Variants in DAAM2 observed in about 807,000 individuals in gnomAD.
DAAM2 encodes the protein dishevelled associated activator of morphogenesis 2.
In DAAM2, 39 loss-of-function variants were observed where a neutral mutation model predicts 120.7. The observed-to-expected ratio is 0.32, with a 90% CI of 0.25 to 0.42. The LOEUF is 0.42. Ranked by LOEUF, DAAM2 falls within the 10% of genes least tolerant of loss-of-function variation. DAAM2 has a pLI of 1.00. For missense variants in DAAM2, 1,283 were observed against 1,401.7 expected (o/e 0.92, Z 1.35); for synonymous variants, 488 against 524.9 (o/e 0.93, Z 0.96).
chr6:39,818,094 G>A (rs1002036179), intron 1 of DAAM2, among the ~76,000 whole-genome samples: 1 of 150,328 alleles, frequency 6.7e-6, no homozygotes. Flanking sequence ...CAGGAGAATC[G>A]CTTGAAGCTG....
At chr6:39,859,647 C>A (rs1424668755) in intron 2 of DAAM2, among the ~76,000 whole-genome samples, 2 of 152,134 alleles carry the variant, frequency 1.3e-5, no homozygotes, top group East Asian at 1.9e-4. Context: ...TGTAAAATAT[C>A]TCATTATTAA....
At position 39,904,155 on chromosome 6, in the gene DAAM2, G is replaced by C; in HGVS notation, c.*2118G>C. ...ACTGGATACGCACCTGGAAACAAAA[G>C]GACTATGGAAGCTGTTCAAGATACA... On this transcript the variant is annotated 3_prime_UTR_variant, in exon 25 of 25. Transcript: ENST00000274867. 1 of 455,922 alleles carries C rather than the reference G, an allele frequency of 2.2e-6. No homozygotes were observed. Among genetic ancestry groups the C allele is most frequent in the Admixed American group, 2.4e-5 (1 of 42,434 alleles). 28.2% of individuals were successfully genotyped at this position (455,922 alleles called of 1,614,324 possible).
chr6:39,874,817 C>T (rs1307301604), intron 10 of DAAM2, among the ~76,000 whole-genome samples: 3 of 152,168 alleles, frequency 2.0e-5, no homozygotes, highest in Non-Finnish European at 4.4e-5. Flanking sequence ...GAAATTTTCT[C>T]GAGTTCCATT....
At position 39,844,921 on chromosome 6, in the gene DAAM2, T is replaced by C. The variant is rs546395068; in HGVS notation, c.-56-11326T>C. The stretch of plus-strand genomic sequence containing the variant: ...ATCACCTACACCCCTCCACCACACA[T>C]ACATACACCACACACACCACACATA... On this transcript the variant is annotated intron_variant, in intron 1 of 24. Transcript: ENST00000274867. 3.4e-3 allele frequency among the ~76,000 whole-genome samples: 492 copies of C among 146,158 alleles called. 1 individual carries two copies. Among genetic ancestry groups the C allele is most frequent in the African/African-American group, 0.011 (423 of 39,740 alleles).
Position 39,857,799 on chromosome 6 carries a change from G to C in DAAM2, c.168+1329G>C, listed in dbSNP as rs78687645. Among the ~76,000 whole-genome samples, 567 of 152,230 alleles carry C rather than the reference G, an allele frequency of 3.7e-3. 2 individuals carry two copies. The highest frequency in any genetic ancestry group is 0.021 in the East Asian group (111 of 5,172). On this transcript the variant is annotated intron_variant, in intron 2 of 24. Coordinates refer to ENST00000274867, the MANE Select transcript of DAAM2 (RefSeq NM_001201427.2). ...TCAAACAAGTGAACAATATTTCTTG[G>C]AGAGACTGCTGGGTGCTGGGCTGTA...
At chr6:39,856,208 T>G in intron 1 of DAAM2, 39 bp from the exon 2 acceptor site, 1 of 1,345,946 alleles carries the variant, frequency 7.4e-7, no homozygotes, top group Non-Finnish European at 9.5e-7. Flanking sequence ...CCTATCTGAC[T>G]GTATGCCTGA....
rs984669277 is a variant in DAAM2, at chr6:39,879,189, A to G, written c.1557A>G (p.Val519=). 30 of 1,548,238 alleles carry G rather than the reference A, an allele frequency of 1.9e-5. No homozygotes were observed. The highest frequency in any genetic ancestry group is 8.4e-5 in the South Asian group (7 of 83,484). The stretch of plus-strand genomic sequence containing the variant: ...CTGTTTCCTCACAGACAGGCCCTGT[A>G]TCTTCCCCACCACCCCCTGGGGGCC... ...AQLSELSTGP[V]SSPPPPGGPL... is the part of the protein sequence containing the mutation. The change falls in exon 14 of 25, where the codon GTA becomes GTG. Residue 519 remains valine, a synonymous_variant. Coordinates refer to ENST00000274867, the MANE Select transcript of DAAM2 (RefSeq NM_001201427.2).
At chr6:39,874,171 C>A (rs1348543741) in intron 10 of DAAM2, among the ~76,000 whole-genome samples, 33 of 152,092 alleles carry the variant, frequency 2.2e-4, no homozygotes, top group Admixed American at 2.2e-3. Context: ...TTATTATGTC[C>A]ATTTGAATAG....
intron 7 of DAAM2, among the ~76,000 whole-genome samples, chr6:39,869,934 A>G (rs1345227733): frequency 6.6e-6 from 1 of 152,036 alleles, no homozygotes; most frequent in East Asian, 1.9e-4. Context: ...GGTAATTATA[A>G]CAAGTGTCAT....
intron 1 of DAAM2, among the ~76,000 whole-genome samples, chr6:39,829,691 T>C (rs1380563520): frequency 1.3e-5 from 2 of 152,228 alleles, no homozygotes; most frequent in Non-Finnish European, 2.9e-5. Context: ...CAGACATTTC[T>C]ACTCAGTGCC....
chr6:39,847,840 C>T (rs1311807224), intron 1 of DAAM2, among the ~76,000 whole-genome samples: 2 of 152,170 alleles, frequency 1.3e-5, no homozygotes, highest in Non-Finnish European at 1.5e-5. Context: ...TCAGACCTCA[C>T]AAACTCTCTC....
At chr6:39,823,640 C>T (rs1263343743) in intron 1 of DAAM2, among the ~76,000 whole-genome samples, 1 of 152,216 alleles carries the variant, frequency 6.6e-6, no homozygotes, top group African/African-American at 2.4e-5. Context: ...GAACTTCTGA[C>T]CTTTCCTGAG....
chr6:39,857,130 T>C (rs994665521), intron 2 of DAAM2, among the ~76,000 whole-genome samples: 3 of 152,238 alleles, frequency 2.0e-5, no homozygotes, highest in Non-Finnish European at 4.4e-5. Context: ...TGCAGCTTTA[T>C]ACCCTGGCCA....
rs1035310700 is a variant in DAAM2, at chr6:39,879,213, C to T, written c.1581C>T (p.Gly527=). Residue 527 remains glycine (G), a synonymous_variant, in exon 14 of 25, where the codon GGC becomes GGT. Coordinates refer to ENST00000274867, the MANE Select transcript of DAAM2 (RefSeq NM_001201427.2). ...TATCTTCCCCACCACCCCCTGGGGG[C>T]CCACTCACCTTGTCTTCCTCAATGA... ...GPVSSPPPPG[G]PLTLSSSMTT... 1.2e-5 allele frequency: 19 copies of T among 1,549,680 alleles called. No individual in the cohort carries two copies. In the African/African-American group the frequency reaches 2.6e-4, roughly 21 times the overall value.
At chr6:39,830,634 C>G (rs575400433) in intron 1 of DAAM2, among the ~76,000 whole-genome samples, 2 of 152,202 alleles carry the variant, frequency 1.3e-5, no homozygotes, top group African/African-American at 4.8e-5. Context: ...CCCACCTCCC[C>G]CAAGGCCAGG....
chr6:39,819,682 G>A (rs1479490843), intron 1 of DAAM2: 2 of 152,248 alleles, frequency 1.3e-5, no homozygotes, highest in Non-Finnish European at 2.9e-5. Context: ...AAATACCATA[G>A]ATTGGGTGAC....
chr6:39,842,582 G>A (rs1308217154), intron 1 of DAAM2, among the ~76,000 whole-genome samples: 1 of 152,094 alleles, frequency 6.6e-6, no homozygotes, highest in South Asian at 2.1e-4. Flanking sequence ...GCAGTGAGCC[G>A]AGACTGTGCC....
intron 1 of DAAM2, among the ~76,000 whole-genome samples, chr6:39,844,684 T>C (rs1387045769): frequency 6.6e-6 from 1 of 152,072 alleles, no homozygotes; most frequent in Non-Finnish European, 1.5e-5. Flanking sequence ...TTCCTAAATA[T>C]TATGCTTGGG....
At position 39,901,712 on chromosome 6, in the gene DAAM2, C is replaced by CTG; in HGVS notation, c.2983-101_2983-100insTG. The CTG allele has an allele frequency of 1.7e-6, 2 of 1,159,438 alleles. No individual in the cohort carries two copies. Among genetic ancestry groups the CTG allele is most frequent in the South Asian group, 1.6e-5 (1 of 62,164 alleles). The allele number at this position is 1,159,438 out of a possible 1,614,324, so 71.8% of individuals were successfully genotyped here. On this transcript the variant is annotated intron_variant, in intron 24 of 24. Coordinates refer to ENST00000274867, the MANE Select transcript of DAAM2 (RefSeq NM_001201427.2). This position sits in a 1 kb window ranked among gnomAD's most constrained non-coding sequence, Gnocchi z 4.5. Reference sequence around the variant, plus strand: ...AGTGGGGCCAACAGATACAGGCAGGCAGCATGACCATGGCCTAGGAGTTAG... The same window carrying CTG: ...AGTGGGGCCAACAGATACAGGCAGGCTGAGCATGACCATGGCCTAGGAGTTAG...
Sources: gnomAD v4.1 joint callset for allele counts (sites outside exome capture counted in the v4.1 genomes callset) on GRCh38, gnomAD v4.1.1 for gene constraint, Gnocchi (gnomAD v3.1) non-coding constraint, MANE v1.5 for transcripts, NCBI Gene and HGNC (gene_info 2026-07-23, HGNC 2026-07-21) for gene names.